The following ERC2 variants were observed in gnomAD, a reference collection of about 807,000 sequenced individuals.
The protein encoded by ERC2 is ERC protein 2.
Under a neutral mutation model 114.8 loss-of-function variants are expected in ERC2, and 42 were observed. The ratio of observed to expected loss-of-function variants is 0.37; its 90% CI spans 0.29 to 0.47. The LOEUF is 0.47. Among genes scored for constraint, ERC2 ranks in the 20% least tolerant of loss-of-function variants. ERC2 has a pLI of 0.99. For missense variants in ERC2, 939 were observed against 1,150.7 expected (o/e 0.82, Z 2.66); for synonymous variants, 454 against 425.5 (o/e 1.07, Z -0.82).
intron 10 of ERC2, among the ~76,000 whole-genome samples, chr3:55,996,699 G>A (rs558633242): frequency 6.6e-6 from 1 of 152,302 alleles, no homozygotes; most frequent in Non-Finnish European, 1.5e-5. Flanking sequence ...GATGTGGGCA[G>A]GCCTCTGGGT....
At chr3:55,995,448 T>C (rs980065981) in intron 10 of ERC2, among the ~76,000 whole-genome samples, 1 of 152,336 alleles carries the variant, frequency 6.6e-6, no homozygotes, top group African/African-American at 2.4e-5. Context: ...AAAGAACTTA[T>C]GTCAAGCCAC....
chr3:56,173,102 T>A (rs2082768377), intron 4 of ERC2, among the ~76,000 whole-genome samples: 1 of 152,240 alleles, frequency 6.6e-6, no homozygotes, highest in African/African-American at 2.4e-5. Flanking sequence ...AGGTGCTTTT[T>A]ATTGTGATGT....
At chr3:56,205,185 A>G (rs2048647176) in intron 3 of ERC2, among the ~76,000 whole-genome samples, 1 of 152,174 alleles carries the variant, frequency 6.6e-6, no homozygotes, top group African/African-American at 2.4e-5. Context: ...GAAATCAGCA[A>G]GGAATATGAT....
chr3:55,654,645 G>T (rs1180067559), intron 17 of ERC2, among the ~76,000 whole-genome samples: 1 of 152,218 alleles, frequency 6.6e-6, no homozygotes, highest in Non-Finnish European at 1.5e-5. Context: ...CTAGAGGCAA[G>T]CGCGGCCAGC....
chr3:55,512,145 G>A (rs1438308991), intron 17 of ERC2, among the ~76,000 whole-genome samples: 2 of 152,192 alleles, frequency 1.3e-5, no homozygotes. Flanking sequence ...TTTGGTGGTT[G>A]ATATGCAGCA....
chr3:56,087,269 A>G (rs1268473594), intron 6 of ERC2, among the ~76,000 whole-genome samples: 1 of 152,056 alleles, frequency 6.6e-6, no homozygotes, highest in African/African-American at 2.4e-5. Flanking sequence ...AGTATAAAAC[A>G]TAAAACATTT....
intron 14 of ERC2, among the ~76,000 whole-genome samples, chr3:55,863,996 A>G (rs1170050168): frequency 6.6e-6 from 1 of 151,052 alleles, no homozygotes; most frequent in African/African-American, 2.4e-5. Context: ...AGTTAACAGC[A>G]TAAAGGTTGT....
At chr3:56,320,164 T>C (rs1027588662) in intron 2 of ERC2, among the ~76,000 whole-genome samples, 3 of 152,160 alleles carry the variant, frequency 2.0e-5, no homozygotes, top group African/African-American at 7.2e-5. Flanking sequence ...ATTTGATTGA[T>C]TACAGATACA....
At chr3:56,162,556 A>G (rs2082106061) in intron 4 of ERC2, among the ~76,000 whole-genome samples, 1 of 152,008 alleles carries the variant, frequency 6.6e-6, no homozygotes, top group Admixed American at 6.6e-5. Context: ...CAATTTTAGA[A>G]CTCAATATTC....
intron 17 of ERC2, among the ~76,000 whole-genome samples, chr3:55,613,671 AACTG>A (rs1214737598): frequency 1.2e-4 from 19 of 152,018 alleles, no homozygotes; most frequent in African/African-American, 4.1e-4. Context: ...ATGGCAAGGG[AACTG>A]ACTAACTCAA....
At chr3:56,280,081 G>C (rs1287578872) in intron 3 of ERC2, among the ~76,000 whole-genome samples, 2 of 152,124 alleles carry the variant, frequency 1.3e-5, no homozygotes, top group Admixed American at 1.3e-4. Context: ...GAGGCAAGAG[G>C]GTCAAAGTCA....
intron 2 of ERC2, among the ~76,000 whole-genome samples, chr3:56,391,976 C>T (rs748803286): frequency 6.6e-5 from 10 of 152,136 alleles, no homozygotes; most frequent in Non-Finnish European, 5.9e-5. Flanking sequence ...ACTTACCATA[C>T]ACCTAATGTG....
At chr3:56,076,339 A>G (rs1436984344) in intron 7 of ERC2, among the ~76,000 whole-genome samples, 1 of 152,206 alleles carries the variant, frequency 6.6e-6, no homozygotes, top group African/African-American at 2.4e-5. Context: ...GTGTTACATA[A>G]CAGTCTGAAT....
chr3:55,884,783 A>G (rs2063286790), intron 14 of ERC2, among the ~76,000 whole-genome samples: 1 of 152,182 alleles, frequency 6.6e-6, no homozygotes, highest in African/African-American at 2.4e-5. Flanking sequence ...ACTCTGTGCC[A>G]TTTGGTTTGC....
At chr3:55,856,833 T>C (rs985385521) in intron 14 of ERC2, among the ~76,000 whole-genome samples, 1 of 152,046 alleles carries the variant, frequency 6.6e-6, no homozygotes, top group African/African-American at 2.4e-5. Flanking sequence ...TATTTGGCAA[T>C]AAAAAGAAAT....
At chr3:55,629,884 C>G (rs189029178) in intron 17 of ERC2, among the ~76,000 whole-genome samples, 2 of 152,210 alleles carry the variant, frequency 1.3e-5, no homozygotes, top group Non-Finnish European at 2.9e-5. Flanking sequence ...AAGGAGCCAG[C>G]CTTCTAACCA....
chr3:55,828,308 A>G (rs2060416151), intron 14 of ERC2, among the ~76,000 whole-genome samples: 1 of 152,232 alleles, frequency 6.6e-6, no homozygotes, highest in African/African-American at 2.4e-5. Flanking sequence ...TGCCAGGAGC[A>G]ACCACAAAAT....
intron 13 of ERC2, among the ~76,000 whole-genome samples, chr3:55,904,716 A>G (rs1303763188): frequency 6.6e-6 from 1 of 152,150 alleles, no homozygotes; most frequent in Non-Finnish European, 1.5e-5. Flanking sequence ...GTCTGGGGGG[A>G]AACACATTTC....
intron 12 of ERC2, among the ~76,000 whole-genome samples, chr3:55,982,227 G>T (rs1016812134): frequency 7.2e-5 from 11 of 152,152 alleles, no homozygotes; most frequent in African/African-American, 2.4e-4. Flanking sequence ...GAACTGCACA[G>T]GTTTCCTTAC....
Sources: gnomAD v4.1 joint callset for allele counts (sites outside exome capture counted in the v4.1 genomes callset) on GRCh38, gnomAD v4.1.1 for gene constraint, MANE v1.5 for transcripts, NCBI Gene and HGNC (gene_info 2026-07-23, HGNC 2026-07-21) for gene names.